Variants in HIPK2 observed in about 807,000 individuals in gnomAD.
HIPK2 encodes the protein homeodomain interacting protein kinase 2, also known as homeodomain-interacting protein kinase 2.
In HIPK2, 27 loss-of-function variants were observed where a neutral mutation model predicts 113.7. The ratio of observed to expected loss-of-function variants is 0.24; its 90% CI spans 0.17 to 0.33. The LOEUF is 0.33. Ranked by LOEUF, HIPK2 falls within the 10% of genes least tolerant of loss-of-function variation. HIPK2 has a pLI of 1.00. For missense variants in HIPK2, 1,257 were observed against 1,588.0 expected, an observed-to-expected ratio of 0.79 and a Z score of 3.54; for synonymous variants, 631 against 642.2, an observed-to-expected ratio of 0.98 and a Z score of 0.26.
intron 1 of HIPK2, among the ~76,000 whole-genome samples, chr7:139,756,139 T>A (rs1428187298): frequency 6.6e-6 from 1 of 152,110 alleles, no homozygotes; most frequent in Non-Finnish European, 1.5e-5. Flanking sequence ...GTAATAATAA[T>A]CTTAACAGTC....
At chr7:139,680,596 A>C (rs1176607699) in intron 2 of HIPK2, among the ~76,000 whole-genome samples, 2 of 152,244 alleles carry the variant, frequency 1.3e-5, no homozygotes, top group African/African-American at 4.8e-5. Context: ...GATTGTGTCC[A>C]AAACTGGCTT....
rs889346083 is a variant in HIPK2 at position 139,657,687 on chromosome 7, A to G, written c.1104-25962T>C. ...TTTCCCTTCACACACCTTCCATTAAACTGTAAGAGTCATGCCAGGCACTTG... is the reference window on the plus strand; with the variant it reads ...TTTCCCTTCACACACCTTCCATTAAGCTGTAAGAGTCATGCCAGGCACTTG... On this transcript the variant is annotated intron_variant, in intron 2 of 14. Coordinates refer to ENST00000406875, the MANE Select transcript of HIPK2 (RefSeq NM_022740.5). 3.9e-5 allele frequency among the ~76,000 whole-genome samples: 6 copies of G among 151,966 alleles called. No homozygotes were observed. The East Asian group carries it at 1.2e-3, about 29-fold the overall frequency.
chr7:139,591,253 A>G (rs1199436170), intron 12 of HIPK2, among the ~76,000 whole-genome samples: 2 of 152,228 alleles, frequency 1.3e-5, no homozygotes, highest in Non-Finnish European at 2.9e-5. Context: ...TTACATGACT[A>G]CTTTCTAGAG....
chr7:139,568,355 C>A lies in HIPK2; in HGVS notation c.*4572G>T. 1 of 152,624 alleles carries A rather than the reference C, an allele frequency of 6.6e-6. No homozygotes were observed. The highest frequency in any genetic ancestry group is 1.5e-5 in the Non-Finnish European group (1 of 68,270). The allele number at this position is 152,624 out of a possible 1,614,324, so 9.5% of individuals were successfully genotyped here. On this transcript the variant is annotated 3_prime_UTR_variant, in exon 15 of 15. Coordinates refer to ENST00000406875, the MANE Select transcript of HIPK2 (RefSeq NM_022740.5). ...ATTCCACTGACCGCACGCTCCACTT[C>A]ACAGTATTAACTGGCATCAAGCCTC...
At chr7:139,575,815 G>A (rs1798472722) in intron 13 of HIPK2, among the ~76,000 whole-genome samples, 1 of 152,220 alleles carries the variant, frequency 6.6e-6, no homozygotes, top group Non-Finnish European at 1.5e-5. Flanking sequence ...TAGCTATTGA[G>A]AGATTGGCTT....
chr7:139,731,529 G>C (rs1442355834), intron 1 of HIPK2, among the ~76,000 whole-genome samples: 1 of 152,264 alleles, frequency 6.6e-6, no homozygotes, highest in East Asian at 1.9e-4. Context: ...TTATACAAAG[G>C]AACCAGGACA....
At chr7:139,680,628 C>A (rs960818966) in intron 2 of HIPK2, among the ~76,000 whole-genome samples, 1 of 152,214 alleles carries the variant, frequency 6.6e-6, no homozygotes, top group African/African-American at 2.4e-5. Flanking sequence ...TCAAATGTAG[C>A]AAATCATTTT....
At chr7:139,587,488 CAAAAA>C (rs1213368741) in intron 12 of HIPK2, among the ~76,000 whole-genome samples, 3 of 44,034 alleles carry the variant, frequency 6.8e-5, no homozygotes, top group East Asian at 1.0e-3. Context: ...GACTGTGTCT[CAAAAA>C]AAAAAAAAAA....
intron 12 of HIPK2, among the ~76,000 whole-genome samples, chr7:139,588,359 AC>A (rs1048032455): frequency 6.6e-6 from 1 of 151,452 alleles, no homozygotes; most frequent in African/African-American, 2.4e-5. Flanking sequence ...AAACAAAAAA[AC>A]AAAAAACAAT....
Position 139,571,809 on chromosome 7 carries a change from GGATGCAGTGTCAA to G in HIPK2, c.*1105_*1117del, listed in dbSNP as rs1798290600. Reference sequence around the variant, plus strand: ...CGCTCGGTAAGGCACTAGGAGGGAAGGATGCAGTGTCAAGACTGCGCCAGCTAGGGTGGCGGCG... The same window carrying G: ...CGCTCGGTAAGGCACTAGGAGGGAAGGACTGCGCCAGCTAGGGTGGCGGCG... On this transcript the variant is annotated 3_prime_UTR_variant, in exon 15 of 15. Transcript: ENST00000406875. The G allele has an allele frequency of 6.6e-6, 1 of 152,260 alleles. No individual in the cohort carries two copies. Among genetic ancestry groups the G allele is most frequent in the Non-Finnish European group, 1.5e-5 (1 of 68,052 alleles). The allele number at this position is 152,260 out of a possible 1,614,324, so 9.4% of individuals were successfully genotyped here.
chr7:139,698,643 T>C (rs1173616229), intron 2 of HIPK2, among the ~76,000 whole-genome samples: 1 of 152,188 alleles, frequency 6.6e-6, no homozygotes, highest in Non-Finnish European at 1.5e-5. Context: ...CCTGAAATGA[T>C]TTTCATTAAC....
intron 6 of HIPK2, among the ~76,000 whole-genome samples, chr7:139,621,505 A>G (rs1800232042): frequency 6.6e-6 from 1 of 152,388 alleles, no homozygotes; most frequent in Non-Finnish European, 1.5e-5. Context: ...AAGGAAAGCC[A>G]CAAGTGGCTT....
intron 1 of HIPK2, among the ~76,000 whole-genome samples, chr7:139,749,493 A>G (rs1388258424): frequency 6.6e-6 from 1 of 152,192 alleles, no homozygotes; most frequent in African/African-American, 2.4e-5. Flanking sequence ...GCCTCAGTTT[A>G]CCCTGCTGGA....
Position 139,565,727 on chromosome 7 carries a change from CTTTTT to C in HIPK2, c.*7195_*7199del, listed in dbSNP as rs1436278377. ...TTCTTTTTTTTTTTCTTTTTTTTTT[CTTTTT>C]TTTAACAGAAAGAAAAAAGTTCCTG... On this transcript the variant is annotated 3_prime_UTR_variant, in exon 15 of 15. Transcript: ENST00000406875. 1.1e-5 allele frequency: 1 copy of C among 90,572 alleles called. No individual in the cohort carries two copies. 5.6% of individuals were successfully genotyped at this position (90,572 alleles called of 1,614,324 possible).
chr7:139,648,752 T>A (rs1047419803), intron 2 of HIPK2, among the ~76,000 whole-genome samples: 1 of 151,632 alleles, frequency 6.6e-6, no homozygotes. Flanking sequence ...TGCTTGGCAG[T>A]GGAGGGCGGA....
In HIPK2 at chr7:139,570,229, G is replaced by C. The variant is rs781580711; in HGVS notation, c.*2698C>G. On this transcript the variant is annotated 3_prime_UTR_variant, in exon 15 of 15. Transcript: ENST00000406875. ...CCTAATGGGCTATTGCTGCCATCTG[G>C]CTGCCAAAAAGTCCCTAATAGATGG... 2 of 151,366 alleles carry C rather than the reference G, an allele frequency of 1.3e-5. No individual in the cohort carries two copies. The highest frequency in any genetic ancestry group is 2.9e-5 in the Non-Finnish European group (2 of 67,966). 9.4% of individuals were successfully genotyped at this position (151,366 alleles called of 1,614,324 possible).
intron 2 of HIPK2, among the ~76,000 whole-genome samples, chr7:139,634,015 T>A (rs1187115788): frequency 1.4e-5 from 2 of 147,908 alleles, no homozygotes; most frequent in Non-Finnish European, 3.0e-5. Context: ...GAGGCTGAAG[T>A]GGGAGGACTG....
At chr7:139,586,029 A>T (rs1439881896) in intron 12 of HIPK2, among the ~76,000 whole-genome samples, 1 of 152,200 alleles carries the variant, frequency 6.6e-6, no homozygotes, top group Non-Finnish European at 1.5e-5. Flanking sequence ...AAATAGTAAA[A>T]GCTTTAAAAT....
chr7:139,716,638 G>A lies in HIPK2; in HGVS notation c.397C>T (p.Arg133Cys), dbSNP rs371188483. 2.5e-6 allele frequency: 4 copies of A among 1,613,934 alleles called. No individual in the cohort carries two copies. Among genetic ancestry groups the A allele is most frequent in the Non-Finnish European group, 3.4e-6 (4 of 1,179,884 alleles). ...GTGTTCTCGATCTCCTCGCTCTTAC[G>A]CTTGAGTCCACATTTTTGGTAGGTA... ...LDTYQKCGLK[R>C]KSEEIENTSS... is the part of the protein sequence containing the mutation. The change falls in exon 2 of 15, where the codon CGT (arginine) becomes TGT (cysteine). Residue 133 changes from arginine to cysteine, a missense_variant. By Grantham distance (180) the Arg-to-Cys change is radical. Around this residue, in one of 5 missense-constraint regions of HIPK2, gnomAD observed 209 missense variants for 237.8 expected, o/e 0.88. Transcript: ENST00000406875. The surrounding 1 kb of genome is among the most constrained non-coding windows in gnomAD (Gnocchi z 9.3).
Sources: allele counts gnomAD v4.1 joint callset (sites outside exome capture counted in the v4.1 genomes callset), GRCh38; gene constraint gnomAD v4.1.1; regional missense constraint gnomAD v4.1.1; non-coding constraint Gnocchi (gnomAD v3.1); transcripts MANE v1.5; gene names NCBI Gene and HGNC (gene_info 2026-07-23, HGNC 2026-07-21).